Variants in TNIK observed in about 807,000 individuals in gnomAD.
TNIK encodes the protein TRAF2 and NCK interacting kinase.
TNIK carries 49 observed loss-of-function variants against 191.3 expected under a neutral mutation model. The observed-to-expected ratio is 0.26, with a 90% CI of 0.20 to 0.32. TNIK has a LOEUF of 0.32. Ranked by LOEUF, TNIK falls within the 10% of genes least tolerant of loss-of-function variation. TNIK has a pLI of 1.00. For synonymous variants in TNIK, 594 were observed against 600.9 expected (o/e 0.99, Z 0.17); for missense variants, 1,155 against 1,702.3 (o/e 0.68, Z 5.66).
At chr3:171,390,337 T>C (rs1719308768) in intron 1 of TNIK, among the ~76,000 whole-genome samples, 1 of 152,214 alleles carries the variant, frequency 6.6e-6, no homozygotes, top group Non-Finnish European at 1.5e-5. Context: ...ACACCGTGTT[T>C]GAATGCAGCA....
chr3:171,130,847 A>G (rs1729142414), intron 15 of TNIK, among the ~76,000 whole-genome samples: 1 of 152,190 alleles, frequency 6.6e-6, no homozygotes, highest in Admixed American at 6.5e-5. Flanking sequence ...GAATACTTGT[A>G]ATTATTATTT....
intron 2 of TNIK, among the ~76,000 whole-genome samples, chr3:171,275,446 A>C (rs1749614184): frequency 6.6e-6 from 1 of 152,164 alleles, no homozygotes; most frequent in Non-Finnish European, 1.5e-5. Flanking sequence ...AAATATTATA[A>C]CCATAAAACA....
intron 32 of TNIK, among the ~76,000 whole-genome samples, chr3:171,065,556 G>A (rs2108300401): frequency 6.6e-6 from 1 of 152,316 alleles, no homozygotes; most frequent in Non-Finnish European, 1.5e-5. Context: ...TACAGGGAGG[G>A]TAAGGGAGAA....
chr3:171,085,010 C>T (rs1721157650), intron 25 of TNIK, 108 bp downstream of exon 25: 2 of 767,898 alleles, frequency 2.6e-6, no homozygotes, highest in Non-Finnish European at 4.0e-6. Context: ...AAGATAGGAC[C>T]TAAGCAGTAA....
At chr3:171,370,780 A>G (rs1302823003) in intron 1 of TNIK, among the ~76,000 whole-genome samples, 1 of 152,138 alleles carries the variant, frequency 6.6e-6, no homozygotes, top group Non-Finnish European at 1.5e-5. Context: ...AGGTCTAAAG[A>G]TTTTTCAAGA....
chr3:171,295,789 C>T (rs897444907), intron 2 of TNIK, among the ~76,000 whole-genome samples: 1 of 152,198 alleles, frequency 6.6e-6, no homozygotes. Context: ...GGCAACTCCA[C>T]CAACCCCACT....
At position 171,271,703 on chromosome 3, in the gene TNIK, C is replaced by A. The variant is rs976057288; in HGVS notation, c.124-43482G>T. Among the ~76,000 whole-genome samples, 5 of 152,066 alleles carry A rather than the reference C, an allele frequency of 3.3e-5. No homozygotes were observed. In the East Asian group the frequency reaches 9.6e-4, roughly 29 times the overall value. On this transcript the variant is annotated intron_variant, in intron 2 of 32. Coordinates refer to ENST00000436636, the MANE Select transcript of TNIK (RefSeq NM_015028.4). ...TATTAAGTTCTTAAAGGAAAGGGAC[C>A]ATGTCTTAATCATGTCTAAATCCAG...
intron 1 of TNIK, among the ~76,000 whole-genome samples, chr3:171,454,364 G>A (rs993698929): frequency 3.9e-5 from 6 of 152,118 alleles, no homozygotes; most frequent in South Asian, 2.1e-4. Context: ...GGCAAGACTC[G>A]AAATTATAAG....
chr3:171,157,689 G>T (rs1271494574), intron 11 of TNIK, 25 bp from the exon 12 acceptor site: 1 of 1,551,182 alleles, frequency 6.4e-7, no homozygotes. Context: ...GAGTGATCAG[G>T]ATCCCACGTG....
Position 171,314,159 on chromosome 3 carries a change from T to C in TNIK, c.123+55461A>G, listed in dbSNP as rs370674298. ...TCTCAAGAGGTGAGGATGGCTATGC[T>C]TTCTGTTGCTGGAGTCCCTTTACAA... is the stretch of plus-strand genomic sequence containing the variant. On this transcript the variant is annotated intron_variant, in intron 2 of 32. Transcript: ENST00000436636. Among the ~76,000 whole-genome samples the C allele has an allele frequency of 1.5e-4, 23 of 152,318 alleles. No homozygotes were observed. In the East Asian group the frequency reaches 2.7e-3, roughly 18 times the overall value.
At chr3:171,446,274 C>T (rs79954267) in intron 1 of TNIK, among the ~76,000 whole-genome samples, 5,286 of 152,150 alleles carry the variant, frequency 0.035, 323 homozygotes, top group African/African-American at 0.12. Context: ...TCTATAAATG[C>T]TAAATATTAT....
intron 1 of TNIK, among the ~76,000 whole-genome samples, chr3:171,391,022 A>G (rs909897785): frequency 6.6e-6 from 1 of 152,236 alleles, no homozygotes; most frequent in Admixed American, 6.5e-5. Context: ...TCATAACAGA[A>G]TAAACAAATG....
chr3:171,136,517 G>A (rs1344025930), intron 15 of TNIK, among the ~76,000 whole-genome samples: 1 of 152,156 alleles, frequency 6.6e-6, no homozygotes, highest in African/African-American at 2.4e-5. Flanking sequence ...GGCTTCATTT[G>A]TTCTTCCAAA....
At chr3:171,345,431 C>T (rs192901697) in intron 2 of TNIK, among the ~76,000 whole-genome samples, 7 of 150,892 alleles carry the variant, frequency 4.6e-5, no homozygotes, top group African/African-American at 7.3e-5. Flanking sequence ...GTGAAAACAC[C>T]GAGTTTTTTT....
intron 4 of TNIK, among the ~76,000 whole-genome samples, chr3:171,207,411 C>G (rs911919063): frequency 1.3e-5 from 2 of 151,966 alleles, no homozygotes; most frequent in Admixed American, 6.6e-5. Context: ...GTTACCCACG[C>G]TGGTCTCAGA....
At chr3:171,116,902 A>T (rs1310779607) in intron 18 of TNIK, among the ~76,000 whole-genome samples, 1 of 152,248 alleles carries the variant, frequency 6.6e-6, no homozygotes, top group Non-Finnish European at 1.5e-5. Flanking sequence ...TTTACATAGC[A>T]GGTGAGAATT....
intron 7 of TNIK, among the ~76,000 whole-genome samples, chr3:171,180,438 C>T (rs1736506495): frequency 6.6e-6 from 1 of 152,164 alleles, no homozygotes; most frequent in African/African-American, 2.4e-5. Flanking sequence ...TGCTTGTGCC[C>T]TTTACCTCTA....
intron 1 of TNIK, among the ~76,000 whole-genome samples, chr3:171,456,867 A>C (rs1002061654): frequency 6.6e-6 from 1 of 152,238 alleles, no homozygotes; most frequent in African/African-American, 2.4e-5. Context: ...ACTTAGAGAA[A>C]AGAGCACTGA....
At chr3:171,131,105 G>A (rs570460889) in intron 15 of TNIK, among the ~76,000 whole-genome samples, 3 of 152,066 alleles carry the variant, frequency 2.0e-5, no homozygotes, top group South Asian at 2.1e-4. Flanking sequence ...TTGGGAGGCC[G>A]AGGCGGGCGG....
Sources: allele counts gnomAD v4.1 joint callset (sites outside exome capture counted in the v4.1 genomes callset), GRCh38; gene constraint gnomAD v4.1.1; transcripts MANE v1.5; gene names NCBI Gene and HGNC (gene_info 2026-07-23, HGNC 2026-07-21).